ESS2: variants seen among roughly 807,000 people sequenced by gnomAD.
The protein encoded by ESS2 is splicing factor ESS-2 homolog.
In ESS2, 31 loss-of-function variants were observed where a neutral mutation model predicts 52.0. The ratio of observed to expected loss-of-function variants is 0.60; its 90% confidence interval spans 0.45 to 0.81. The LOEUF is 0.81. ESS2 is among the 30% of genes least tolerant of loss of function. ESS2 has a pLI of 0.00. For synonymous variants in ESS2, 285 were observed against 259.2 expected (o/e 1.10, Z -0.95); for missense variants, 602 against 637.2 (o/e 0.94, Z 0.59).
chr22:19,135,961 T>C (rs1317065891), intron 8 of ESS2, among the ~76,000 whole-genome samples: 2 of 144,898 alleles, frequency 1.4e-5, no homozygotes, highest in African/African-American at 5.2e-5. Flanking sequence ...GCCCAGGAGC[T>C]CAATGTTACA....
At chr22:19,142,361 C>T (rs556326999) in intron 3 of ESS2, among the ~76,000 whole-genome samples, 177 bp downstream of exon 3, 1 of 152,340 alleles carries the variant, frequency 6.6e-6, no homozygotes, top group African/African-American at 2.4e-5. Context: ...GGGAGCTGGA[C>T]CCAGATGTTC....
At position 19,144,567 on chromosome 22, in the gene ESS2, G is replaced by C. The variant is rs752214453; in HGVS notation, c.74C>G (p.Ala25Gly). Reference protein sequence around the residue: ...AASRPPRKREAGEAGAATSKQ... With the variant: ...AASRPPRKREGGEAGAATSKQ... Reference sequence around the variant, plus strand: ...GCTCGTCGCAGCCCCAGCCTCTCCCGCCTCGCGCTTCCTCGGGGGCCTGGA... The same window carrying C: ...GCTCGTCGCAGCCCCAGCCTCTCCCCCCTCGCGCTTCCTCGGGGGCCTGGA... The change falls in exon 1 of 10, where the codon GCG becomes GGG. Residue 25 changes from alanine to glycine, a missense_variant. Coordinates refer to ENST00000252137, the MANE Select transcript of ESS2 (RefSeq NM_022719.3). The C allele has an allele frequency of 6.2e-7, 1 of 1,606,940 alleles. No homozygotes were observed. Among genetic ancestry groups the C allele is most frequent in the Admixed American group, 1.7e-5 (1 of 59,640 alleles).
At chr22:19,140,962 T>C (rs2083676320) in intron 3 of ESS2, among the ~76,000 whole-genome samples, 1 of 152,168 alleles carries the variant, frequency 6.6e-6, no homozygotes, top group Non-Finnish European at 1.5e-5. Flanking sequence ...CTATATTTAC[T>C]GGCATGTAGG....
intron 1 of ESS2, chr22:19,144,233 C>G: frequency 8.1e-7 from 1 of 1,230,258 alleles, no homozygotes; most frequent in Non-Finnish European, 1.0e-6. Flanking sequence ...GTTTGTCAAA[C>G]TCCTACTCAC....
intron 5 of ESS2, 35 bp downstream of exon 5, chr22:19,139,577 C>G: frequency 6.3e-7 from 1 of 1,581,426 alleles, no homozygotes; most frequent in Non-Finnish European, 8.7e-7. Flanking sequence ...CTCTACCCAA[C>G]ACCTCCCCAT....
chr22:19,137,963 G>A, intron 7 of ESS2: 1 of 985,360 alleles, frequency 1.0e-6, no homozygotes, highest in Non-Finnish European at 1.2e-6. Context: ...TCACAGTAAG[G>A]ACCAGGACAG....
At chr22:19,139,457 C>T (rs772413206) in intron 5 of ESS2, among the ~76,000 whole-genome samples, 155 bp downstream of exon 5, 22 of 152,192 alleles carry the variant, frequency 1.4e-4, no homozygotes, top group Non-Finnish European at 2.5e-4. Context: ...TGACCTCACA[C>T]AGACCTGTCC....
chr22:19,139,473 T>C, intron 5 of ESS2, 139 bp downstream of exon 5: 2 of 1,220,350 alleles, frequency 1.6e-6, no homozygotes, highest in Admixed American at 1.8e-5. Context: ...TGTCCACCCT[T>C]AGACAGACCA....
chr22:19,138,846 C>A (rs1820170886), intron 6 of ESS2, among the ~76,000 whole-genome samples: 1 of 152,226 alleles, frequency 6.6e-6, no homozygotes, highest in African/African-American at 2.4e-5. Flanking sequence ...CTCTGCGGCT[C>A]TCTGGCTTCC....
In ESS2 at chr22:19,134,312, T is replaced by TGGG; in HGVS notation, c.1312_1314dup (p.Pro438dup). 6.2e-7 allele frequency: 1 copy of TGGG among 1,608,256 alleles called. No homozygotes were observed. Among genetic ancestry groups the TGGG allele is most frequent in the Non-Finnish European group, 8.5e-7 (1 of 1,177,104 alleles). ...GCAGAGCCAGGCGCCGGTGTGCTTGTGGGGGTCTGCAGCCCACTGGCCGGG... is the reference window on the plus strand; with the variant it reads ...GCAGAGCCAGGCGCCGGTGTGCTTGTGGGGGGGGTCTGCAGCCCACTGGCCGGG... On this transcript the variant is annotated inframe_insertion, in exon 10 of 10. Transcript: ENST00000252137.
At chr22:19,138,873 C>T (rs938938182) in intron 6 of ESS2, among the ~76,000 whole-genome samples, 1 of 152,186 alleles carries the variant, frequency 6.6e-6, no homozygotes, top group African/African-American at 2.4e-5. Context: ...GGTGTGTGGG[C>T]GTGCAGCTGC....
rs1601341054 is a variant in ESS2, at chr22:19,134,114, G to A, written c.*82C>T. 40 of 1,391,094 alleles carry A rather than the reference G, an allele frequency of 2.9e-5. No individual in the cohort carries two copies. In the South Asian group the frequency reaches 4.5e-4, roughly 16 times the overall value. The allele number at this position is 1,391,094 out of a possible 1,614,324, so 86.2% of individuals were successfully genotyped here. On this transcript the variant is annotated 3_prime_UTR_variant, in exon 10 of 10. Coordinates refer to ENST00000252137, the MANE Select transcript of ESS2 (RefSeq NM_022719.3). The stretch of plus-strand genomic sequence containing the variant: ...AGCTTCTGGCCCAGGCCTGGGCCCC[G>A]AGAAGGCTGGAGTCCTCTGCTGGGT...
chr22:19,138,204 A>C lies in ESS2; in HGVS notation c.925+11T>G. 6.2e-7 allele frequency: 1 copy of C among 1,613,838 alleles called. No homozygotes were observed. On this transcript the variant is annotated intron_variant, in intron 7 of 9. Coordinates refer to ENST00000252137, the MANE Select transcript of ESS2 (RefSeq NM_022719.3). The stretch of plus-strand genomic sequence containing the variant: ...GCAGTAGACCCACTTGCCAGTGGGC[A>C]CTTTTCTCACCAGGGGCAGGGGAAG...
Position 19,137,185 on chromosome 22 carries a change from C to T in ESS2, c.1035+138G>A, listed in dbSNP as rs946039311. 5 of 655,766 alleles carry T rather than the reference C, an allele frequency of 7.6e-6. No homozygotes were observed. The African/African-American group carries it at 9.2e-5, about 12-fold the overall frequency. The allele number at this position is 655,766 out of a possible 1,614,324, so 40.6% of individuals were successfully genotyped here. A position where few individuals can be genotyped will look rare whatever the true frequency, so the allele number is the denominator to read the frequency against. ...CCCACCCACACCTGCCTTCAGCACC[C>T]TGGCATTCAGAAAAGCCAGCACTCT... On this transcript the variant is annotated intron_variant, in intron 8 of 9. Transcript: ENST00000252137.
intron 3 of ESS2, among the ~76,000 whole-genome samples, chr22:19,141,932 G>GTGA (rs375598053): frequency 1.3e-5 from 2 of 152,204 alleles, no homozygotes; most frequent in South Asian, 2.1e-4. Context: ...GGAGGTTGCA[G>GTGA]TGAGCCGGGA....
rs777185987 is a variant in ESS2 at position 19,134,219 on chromosome 22, G to T, written c.1408C>A (p.Arg470Ser). 6.6e-7 allele frequency: 1 copy of T among 1,522,916 alleles called. No homozygotes were observed. The highest frequency in any genetic ancestry group is 8.8e-7 in the Non-Finnish European group (1 of 1,133,792). The allele number at this position is 1,522,916 out of a possible 1,614,324, so 94.3% of individuals were successfully genotyped here. A position where few individuals can be genotyped will look rare whatever the true frequency, so the allele number is the denominator to read the frequency against. The change falls in exon 10 of 10, where the codon CGC (arginine) becomes AGC (serine). Residue 470 changes from arginine to serine, a missense_variant. By Grantham distance (110) the Arg-to-Ser change is moderately radical. Transcript: ENST00000252137. ...TDNLLQLPARRKASDFF is the reference protein window; with the variant it reads ...TDNLLQLPARSKASDFF ...CTCTAAAAGAAGTCCGAAGCTTTGC[G>T]CCGGGCAGGGAGCTGCAGCAGGTTG...
Position 19,135,084 on chromosome 22 carries a change from C to T in ESS2, c.1127G>A (p.Arg376Gln), listed in dbSNP as rs368257897. 13 of 1,614,044 alleles carry T rather than the reference C, an allele frequency of 8.1e-6. No homozygotes were observed. Among genetic ancestry groups the T allele is most frequent in the Middle Eastern group, 1.7e-4 (1 of 6,046 alleles). ...CCTGGCCAGATTCTCCGTCACTCTC[C>T]GCAAGGCTTCCTGCTTCTTGGCCCG... The part of the protein sequence containing the change: ...KNRAKKQEAL[R>Q]RVTENLASLT... Residue 376 changes from arginine (R) to glutamine (Q), a missense_variant, in exon 9 of 10, where the codon CGG becomes CAG. Coordinates refer to ENST00000252137, the MANE Select transcript of ESS2 (RefSeq NM_022719.3).
intron 8 of ESS2, 140 bp downstream of exon 8, chr22:19,137,183 C>T (rs922601749): frequency 1.5e-6 from 1 of 650,412 alleles, no homozygotes; most frequent in Non-Finnish European, 2.7e-6. Context: ...GCCTTCAGCA[C>T]CCTGGCATTC....
In ESS2 at chr22:19,134,120, G is replaced by C; in HGVS notation, c.*76C>G. The stretch of plus-strand genomic sequence containing the variant: ...TGGCCCAGGCCTGGGCCCCGAGAAG[G>C]CTGGAGTCCTCTGCTGGGTGTACAG... On this transcript the variant is annotated 3_prime_UTR_variant, in exon 10 of 10. Transcript: ENST00000252137. 1 of 1,413,110 alleles carries C rather than the reference G, an allele frequency of 7.1e-7. No individual in the cohort carries two copies. The highest frequency in any genetic ancestry group is 1.7e-5 in the South Asian group (1 of 59,266). The allele number at this position is 1,413,110 out of a possible 1,614,324, so 87.5% of individuals were successfully genotyped here.
Sources: gnomAD v4.1 joint callset for allele counts (sites outside exome capture counted in the v4.1 genomes callset) on GRCh38, gnomAD v4.1.1 for gene constraint, MANE v1.5 for transcripts, NCBI Gene and HGNC (gene_info 2026-07-23, HGNC 2026-07-21) for gene names.